Variants in SYNPO observed in about 807,000 individuals in gnomAD.
SYNPO encodes the protein synaptopodin.
A neutral mutation model predicts 49.5 loss-of-function variants in SYNPO; 19 were observed. The observed-to-expected ratio is 0.38, with a 90% CI of 0.27 to 0.56. The LOEUF (loss-of-function observed/expected upper bound fraction) is 0.56. Among genes scored for constraint, SYNPO ranks in the 20% least tolerant of loss-of-function variants. The pLI, the probability that SYNPO is intolerant of heterozygous loss-of-function variation, is 0.68. For synonymous variants in SYNPO, 536 were observed against 548.0 expected (o/e 0.98, Z 0.31); for missense variants, 1,131 against 1,248.3 (o/e 0.91, Z 1.42).
At chr5:150,651,460 A>ACAGT (rs772033861) in intron 2 of SYNPO, 5 of 1,000,670 alleles carry the variant, frequency 5.0e-6, no homozygotes, top group Non-Finnish European at 6.0e-6. Flanking sequence ...AAGTGACAAG[A>ACAGT]CAGTCCCCTG....
chr5:150,594,037 G>A, the SYNPO span, among the ~76,000 whole-genome samples: 1 of 152,216 alleles, frequency 6.6e-6, no homozygotes, highest in African/African-American at 2.4e-5. Flanking sequence ...CTGCTGGGTG[G>A]AGGGGCTTAC....
At chr5:150,646,965 G>A (rs1219095714) in intron 1 of SYNPO, among the ~76,000 whole-genome samples, 3 of 152,070 alleles carry the variant, frequency 2.0e-5, no homozygotes, top group East Asian at 3.9e-4. Context: ...TCAGGTGGCC[G>A]GGCACGGTGG....
At chr5:150,589,314 T>G in the SYNPO span, among the ~76,000 whole-genome samples, 2 of 152,130 alleles carry the variant, frequency 1.3e-5, no homozygotes, top group East Asian at 3.8e-4. Context: ...TCCACCCACA[T>G]CAGCCTCCCA....
chr5:150,596,303 C>T (rs1378897908), upstream of SYNPO, among the ~76,000 whole-genome samples: 2 of 152,168 alleles, frequency 1.3e-5, no homozygotes, highest in African/African-American at 4.8e-5. Flanking sequence ...ATTCTGATCC[C>T]GCAAATCCAG....
chr5:150,655,960 T>C (rs1183667971), intron 2 of SYNPO, among the ~76,000 whole-genome samples: 3 of 152,260 alleles, frequency 2.0e-5, no homozygotes, highest in African/African-American at 7.2e-5. Flanking sequence ...CCTTCTGGTA[T>C]TTCTTTATGG....
At chr5:150,592,100 G>A in the SYNPO span, among the ~76,000 whole-genome samples, 1 of 152,138 alleles carries the variant, frequency 6.6e-6, no homozygotes, top group Non-Finnish European at 1.5e-5. Flanking sequence ...GGGAGACGGA[G>A]GTTGCGGTGA....
chr5:150,594,374 C>T, the SYNPO span, among the ~76,000 whole-genome samples: 1 of 152,194 alleles, frequency 6.6e-6, no homozygotes, highest in East Asian at 1.9e-4. Context: ...GAGGGGAAAA[C>T]CCAGACTCTG....
the SYNPO span, among the ~76,000 whole-genome samples, chr5:150,587,833 C>G: frequency 6.6e-6 from 1 of 152,178 alleles, no homozygotes; most frequent in Admixed American, 6.5e-5. Flanking sequence ...CCAGTCCTGT[C>G]TCTTCTGAGG....
chr5:150,617,265 G>A (rs1297798100), intron 1 of SYNPO, among the ~76,000 whole-genome samples: 1 of 152,064 alleles, frequency 6.6e-6, no homozygotes, highest in Non-Finnish European at 1.5e-5. Flanking sequence ...TGCAAGCCTG[G>A]GCACAGAAAC....
At chr5:150,642,763 T>A (rs987335881) in intron 1 of SYNPO, among the ~76,000 whole-genome samples, 1 of 152,228 alleles carries the variant, frequency 6.6e-6, no homozygotes, top group African/African-American at 2.4e-5. Context: ...GGAGTCACTG[T>A]GGGCTGGAGT....
intron 1 of SYNPO, among the ~76,000 whole-genome samples, chr5:150,612,404 G>C (rs1038750441): frequency 6.6e-6 from 1 of 152,222 alleles, no homozygotes; most frequent in Non-Finnish European, 1.5e-5. Context: ...AGACATCAGA[G>C]AGAAGCTCCT....
intron 1 of SYNPO, among the ~76,000 whole-genome samples, chr5:150,601,678 C>A (rs773258903): frequency 6.6e-6 from 1 of 152,180 alleles, no homozygotes; most frequent in Non-Finnish European, 1.5e-5. Context: ...CCTGGGCACA[C>A]TCCTACCTGT....
At chr5:150,605,488 A>T (rs1318440431) in intron 1 of SYNPO, among the ~76,000 whole-genome samples, 6 of 135,408 alleles carry the variant, frequency 4.4e-5, no homozygotes, top group Admixed American at 3.8e-4. Flanking sequence ...GCAGGGATGG[A>T]GGGGTGGGGG....
At chr5:150,618,914 G>A in intron 2 of SYNPO, 1 of 1,058,692 alleles carries the variant, frequency 9.4e-7, no homozygotes, top group Non-Finnish European at 1.4e-6. Flanking sequence ...CAGCTGTGGA[G>A]AGATAGGAGC....
chr5:150,587,489 G>A, the SYNPO span, among the ~76,000 whole-genome samples: 1 of 151,726 alleles, frequency 6.6e-6, no homozygotes, highest in South Asian at 2.1e-4. Context: ...GGATAAATAG[G>A]CGGATGGATA....
At chr5:150,596,668 G>C (rs1013776475), upstream of SYNPO, among the ~76,000 whole-genome samples, 5 of 152,130 alleles carry the variant, frequency 3.3e-5, no homozygotes, top group Admixed American at 3.3e-4. Flanking sequence ...TCCTGGGCCA[G>C]TGATCTACCC....
intron 1 of SYNPO, among the ~76,000 whole-genome samples, chr5:150,641,391 T>A (rs1221856064): frequency 6.6e-6 from 1 of 152,244 alleles, no homozygotes; most frequent in Non-Finnish European, 1.5e-5. Context: ...CACAATGGGC[T>A]GCCTTGAGCC....
At chr5:150,620,897 T>TTC (rs1192475811) in intron 2 of SYNPO, among the ~76,000 whole-genome samples, 179 of 110,446 alleles carry the variant, frequency 1.6e-3, no homozygotes, top group Non-Finnish European at 2.7e-3. Context: ...TTTTCTTTTT[T>TTC]TCTCTTTCTT....
Position 150,657,287 on chromosome 5 carries a change from G to A in SYNPO, c.*200G>A. 1.6e-6 allele frequency: 1 copy of A among 623,984 alleles called. No homozygotes were observed. Among genetic ancestry groups the A allele is most frequent in the Non-Finnish European group, 2.7e-6 (1 of 367,082 alleles). The allele number at this position is 623,984 out of a possible 1,614,324, so 38.7% of individuals were successfully genotyped here. ...TCATTCAGCTGTTGTGTGACCCTGG[G>A]TAAGACCCTTCCTTGTTTGACCCTC... On this transcript the variant is annotated 3_prime_UTR_variant, in exon 3 of 3. Coordinates refer to ENST00000307662, the MANE Select transcript of SYNPO (RefSeq NM_007286.6).
Sources: gnomAD v4.1 joint callset for allele counts (sites outside exome capture counted in the v4.1 genomes callset) on GRCh38, gnomAD v4.1.1 for gene constraint, MANE v1.5 for transcripts, NCBI Gene and HGNC (gene_info 2026-07-23, HGNC 2026-07-21) for gene names.